RPGR: variants seen among roughly 807,000 people sequenced by gnomAD.
RPGR encodes retinitis pigmentosa GTPase regulator.
A neutral mutation model predicts 56.3 loss-of-function variants in RPGR; 10 were observed. The observed-to-expected ratio is 0.18, with a 90% CI of 0.11 to 0.30. The LOEUF (loss-of-function observed/expected upper bound fraction) is 0.30, where lower values mean the gene tolerates loss of function less well. RPGR is among the 10% of genes least tolerant of loss of function. The pLI, the probability that RPGR is intolerant of heterozygous loss-of-function variation, is 1.00. For synonymous variants in RPGR, 197 were observed against 212.9 expected (o/e 0.93, Z 0.65); for missense variants, 538 against 590.9 (o/e 0.91, Z 0.93).
At chrX:38,317,116 C>T in intron 6 of RPGR, 200 bp downstream of exon 6, 1 of 411,662 alleles carries the variant, frequency 2.4e-6, no homozygotes, top group Non-Finnish European at 4.2e-6. Context: ...AAAAAGTGAT[C>T]ATGTCAGACA....
chrX:38,284,893 T>C, intron 15 of RPGR: 1 of 746,240 alleles, frequency 1.3e-6, no homozygotes, highest in Non-Finnish European at 1.6e-6. Flanking sequence ...ACCATTTCAT[T>C]AGATATACTA....
chrX:38,302,337 T>C (rs1024765862), intron 8 of RPGR, among the ~76,000 whole-genome samples: 1 of 111,079 alleles, frequency 9.0e-6, no homozygotes, highest in Non-Finnish European at 1.9e-5. Context: ...GAGTAGGGCT[T>C]AGCTGCATGA....
intron 15 of RPGR, chrX:38,284,577 A>G: frequency 5.3e-6 from 4 of 750,323 alleles, no homozygotes; most frequent in Non-Finnish European, 4.7e-6. Context: ...ATAAAAAATT[A>G]CAGAAGACAA....
Position 38,327,439 on chromosome X carries a change from A to C in RPGR, c.-72T>G, listed in dbSNP as rs2068074387. On this transcript the variant is annotated 5_prime_UTR_variant, in exon 1 of 19. Transcript: ENST00000642395. The stretch of plus-strand genomic sequence containing the variant: ...AGGACGGTTTGGTCGGGGCTAAAGC[A>C]GCTACTCCGCACCGACGCGGGCCGC... The C allele has an allele frequency of 5.8e-6, 6 of 1,041,310 alleles. No homozygotes were observed. The highest frequency in any genetic ancestry group is 5.2e-6 in the Non-Finnish European group (4 of 775,845). The allele number at this position is 1,041,310 out of a possible 1,213,427, so 85.8% of individuals were successfully genotyped here.
chrX:38,286,917 C>T, intron 15 of RPGR: 1 of 1,205,122 alleles, frequency 8.3e-7, no homozygotes, highest in Non-Finnish European at 1.1e-6. Flanking sequence ...CTGCTAGTTC[C>T]TTCTCTCCCT....
intron 6 of RPGR, among the ~76,000 whole-genome samples, chrX:38,315,838 T>G (rs5917561): frequency 0.24 from 21,684 of 90,593 alleles, 2,389 homozygotes; most frequent in Middle Eastern, 0.3. Flanking sequence ...TATATATATA[T>G]AGAGAGAGAG....
intron 6 of RPGR, 89 bp downstream of exon 6, chrX:38,317,227 T>C: frequency 1.0e-6 from 1 of 958,021 alleles, no homozygotes; most frequent in Non-Finnish European, 1.5e-6. Context: ...GCATTATTTC[T>C]ATAGAACCAG....
rs1371033695 is a variant in RPGR at position 38,287,793 on chromosome X, A to C, written c.1753+68T>G. 1.2e-5 allele frequency: 12 copies of C among 981,655 alleles called. No homozygotes were observed. The Admixed American group carries it at 1.3e-4, about 11-fold the overall frequency. The allele number at this position is 981,655 out of a possible 1,213,427, so 80.9% of individuals were successfully genotyped here. A position where few individuals can be genotyped will look rare whatever the true frequency, so the allele number is the denominator to read the frequency against. On this transcript the variant is annotated intron_variant, in intron 14 of 18. Coordinates refer to ENST00000642395, the MANE Select transcript of RPGR (RefSeq NM_000328.3). The stretch of plus-strand genomic sequence containing the variant: ...CAACACCATTATTATTTTCATGTCT[A>C]TATACCTCTTTTTGTAAACCCTCTC...
At chrX:38,280,897 T>TAA (rs199728431) in intron 15 of RPGR, among the ~76,000 whole-genome samples, 37 of 110,010 alleles carry the variant, frequency 3.4e-4, no homozygotes, top group African/African-American at 1.2e-3. Context: ...ATGATTTAAA[T>TAA]AAAAAAAAAC....
chrX:38,286,189 C>T (rs1454167693), intron 15 of RPGR: 2 of 548,147 alleles, frequency 3.6e-6, no homozygotes, highest in African/African-American at 1.1e-4. Flanking sequence ...TTCCCCTTCT[C>T]CTTCCTCCTC....
intron 2 of RPGR, 74 bp from the exon 3 acceptor site, chrX:38,323,019 A>G: frequency 1.3e-6 from 1 of 759,049 alleles, no homozygotes. Flanking sequence ...CCACAAAGCA[A>G]TAAAAAGCTA....
intron 11 of RPGR, chrX:38,296,268 T>C (rs1441605099): frequency 9.0e-6 from 1 of 111,375 alleles, no homozygotes; most frequent in Non-Finnish European, 1.9e-5. Context: ...TGAGCCCAGA[T>C]TGCGCCACTG....
intron 10 of RPGR, among the ~76,000 whole-genome samples, chrX:38,297,936 A>G (rs1201017738): frequency 1.8e-5 from 2 of 112,067 alleles, no homozygotes; most frequent in African/African-American, 6.5e-5. Context: ...AAGGAATGTT[A>G]CCTTCAAAAA....
chrX:38,325,977 T>G (rs1327548459), intron 1 of RPGR: 1 of 111,984 alleles, frequency 8.9e-6, no homozygotes, highest in Admixed American at 9.5e-5. Context: ...ATATAAGTAT[T>G]AATAATAAAT....
chrX:38,299,929 T>C (rs1427021081), intron 9 of RPGR, among the ~76,000 whole-genome samples: 1 of 111,764 alleles, frequency 8.9e-6, no homozygotes, highest in Non-Finnish European at 1.9e-5. Context: ...TTCATCACTG[T>C]ATACAATACT....
chrX:38,303,922 T>C (rs1012752120), intron 8 of RPGR: 25 of 286,269 alleles, frequency 8.7e-5, no homozygotes, highest in African/African-American at 6.9e-4. Context: ...TAGACAGAAA[T>C]AGTGAAATTA....
intron 6 of RPGR, among the ~76,000 whole-genome samples, chrX:38,315,401 C>T (rs972507946): frequency 3.6e-5 from 4 of 111,577 alleles, no homozygotes; most frequent in African/African-American, 6.5e-5. Context: ...GAATGAGATC[C>T]GGTCATTTGC....
At position 38,287,515 on chromosome X, in the gene RPGR, T is replaced by C. The variant is rs746589793; in HGVS notation, c.1754-270A>G. ...TTCTCTTTCACTGTCAAAGATCACA[T>C]CTTGCTTGCAACTTTCCCTTTTCTT... On this transcript the variant is annotated intron_variant, in intron 14 of 18. Transcript: ENST00000642395. 9.7e-6 allele frequency: 5 copies of C among 514,646 alleles called. No individual in the cohort carries two copies. In the East Asian group the frequency reaches 1.8e-4, roughly 19 times the overall value. 42.4% of individuals were successfully genotyped at this position (514,646 alleles called of 1,213,427 possible). A position where few individuals can be genotyped will look rare whatever the true frequency, so the allele number is the denominator to read the frequency against.
At chrX:38,278,852 C>A (rs1033262208) in intron 15 of RPGR, among the ~76,000 whole-genome samples, 1 of 111,914 alleles carries the variant, frequency 8.9e-6, no homozygotes, top group Admixed American at 9.4e-5. Context: ...TGGGTCAACT[C>A]CAACTGGGCT....
Sources: gnomAD v4.1 joint callset for allele counts (sites outside exome capture counted in the v4.1 genomes callset) on GRCh38, gnomAD v4.1.1 for gene constraint, MANE v1.5 for transcripts, NCBI Gene and HGNC (gene_info 2026-07-23, HGNC 2026-07-21) for gene names.